The following AAK1 variants were observed in gnomAD, a reference collection of about 807,000 sequenced individuals.
AAK1 encodes the protein AP2-associated protein kinase 1.
A neutral mutation model predicts 116.0 loss-of-function variants in AAK1; 37 were observed. That is an observed-to-expected ratio of 0.32 (90% confidence interval 0.25 to 0.42). The LOEUF (loss-of-function observed/expected upper bound fraction) is 0.42. Ranked by LOEUF, AAK1 falls within the 10% of genes least tolerant of loss-of-function variation. The probability of loss-of-function intolerance (pLI) is 1.00; values close to 1 mark genes in which losing one functional copy is unlikely to be tolerated. For synonymous variants in AAK1, 458 were observed against 439.9 expected, an observed-to-expected ratio of 1.04 and a Z score of -0.51; for missense variants, 919 against 1,170.6, an observed-to-expected ratio of 0.79 and a Z score of 3.14.
In AAK1 at chr2:69,514,630, T is replaced by TTGC. The variant is rs760720018; in HGVS notation, c.1614_1616dup (p.Gln546dup). On this transcript the variant is annotated inframe_insertion, in exon 13 of 22. Transcript: ENST00000409085. ...CCAGCTGTTGCTGTTGCTGTTGTTG[T>TTGC]TGCTGCTGCTGCTGCTGCTGGTAGA... is the stretch of plus-strand genomic sequence containing the variant. 9.2e-5 allele frequency: 105 copies of TTGC among 1,144,768 alleles called. No homozygotes were observed. The highest frequency in any genetic ancestry group is 6.3e-4 in the African/African-American group (40 of 63,282). 70.9% of individuals were successfully genotyped at this position (1,144,768 alleles called of 1,614,324 possible). A position where few individuals can be genotyped will look rare whatever the true frequency, so the allele number is the denominator to read the frequency against.
intron 10 of AAK1, among the ~76,000 whole-genome samples, chr2:69,521,953 CTTTG>C (rs774704576): frequency 6.6e-6 from 1 of 152,234 alleles, no homozygotes; most frequent in Non-Finnish European, 1.5e-5. Flanking sequence ...TACCTCCAGA[CTTTG>C]TTTACTTGAG....
intron 2 of AAK1, among the ~76,000 whole-genome samples, chr2:69,599,843 T>C (rs956408850): frequency 5.3e-5 from 8 of 152,126 alleles, no homozygotes; most frequent in Non-Finnish European, 1.2e-4. Flanking sequence ...AGTGGTATGA[T>C]CACGGCTCAC....
In AAK1 at chr2:69,643,085, ATTT is replaced by A. The variant is rs4067981; in HGVS notation, c.-48_-46del. The A allele has an allele frequency of 2.7e-3, 3,422 of 1,256,286 alleles. No individual in the cohort carries two copies. Among genetic ancestry groups the A allele is most frequent in the Admixed American group, 4.5e-3 (114 of 25,238 alleles). 77.8% of individuals were successfully genotyped at this position (1,256,286 alleles called of 1,614,324 possible). Reference sequence around the variant, plus strand: ...AAAGCAAAATACCGATGGTTTCTAGATTTTTTTTTTTTTTTTTTTTTTTTAAGA... The same window carrying A: ...AAAGCAAAATACCGATGGTTTCTAGATTTTTTTTTTTTTTTTTTTTTAAGA... On this transcript the variant is annotated 5_prime_UTR_variant, in exon 2 of 22. Transcript: ENST00000409085.
At chr2:69,510,383 T>C (rs1305210580) in intron 13 of AAK1, among the ~76,000 whole-genome samples, 1 of 152,192 alleles carries the variant, frequency 6.6e-6, no homozygotes, top group Non-Finnish European at 1.5e-5. Flanking sequence ...CCATCCTCCT[T>C]CTTTTTTATG....
rs111795257 is a variant in AAK1, at chr2:69,469,579, G to A, written c.*6290C>T. The A allele has an allele frequency of 1.4e-4, 134 of 985,424 alleles. No homozygotes were observed. The highest frequency in any genetic ancestry group is 1.5e-4 in the Non-Finnish European group (128 of 829,926). The allele number at this position is 985,424 out of a possible 1,614,324, so 61.0% of individuals were successfully genotyped here. A position where few individuals can be genotyped will look rare whatever the true frequency, so the allele number is the denominator to read the frequency against. On this transcript the variant is annotated 3_prime_UTR_variant, in exon 22 of 22. Transcript: ENST00000409085. ...CAGTTCCTTTGGTAACCAATGGCACGTCATAGCAGATACCCTGTGGCCATA... is the reference window on the plus strand; with the variant it reads ...CAGTTCCTTTGGTAACCAATGGCACATCATAGCAGATACCCTGTGGCCATA...
rs751091450 is a variant in AAK1 at position 69,470,206 on chromosome 2, A to G, written c.*5663T>C. On this transcript the variant is annotated 3_prime_UTR_variant, in exon 22 of 22. Transcript: ENST00000409085. ...GAAAGAACGGTTACAGGGAGTATCA[A>G]AGATATGATTCTTGCCAAAAACAGA... The G allele has an allele frequency of 9.1e-6, 9 of 985,444 alleles. No individual in the cohort carries two copies. Among genetic ancestry groups the G allele is most frequent in the Non-Finnish European group, 1.1e-5 (9 of 829,932 alleles). The allele number at this position is 985,444 out of a possible 1,614,324, so 61.0% of individuals were successfully genotyped here. A position where few individuals can be genotyped will look rare whatever the true frequency, so the allele number is the denominator to read the frequency against.
chr2:69,491,702 C>A (rs1675528830), intron 17 of AAK1, among the ~76,000 whole-genome samples: 1 of 152,132 alleles, frequency 6.6e-6, no homozygotes, highest in African/African-American at 2.4e-5. Flanking sequence ...AACAGCATTT[C>A]CCATCTTTAT....
At chr2:69,484,539 T>C (rs1311663967) in intron 17 of AAK1, among the ~76,000 whole-genome samples, 1 of 152,156 alleles carries the variant, frequency 6.6e-6, no homozygotes, top group Non-Finnish European at 1.5e-5. Context: ...ACGCCTGTAA[T>C]CCCAGCACTT....
chr2:69,640,721 T>C (rs1404318956), intron 2 of AAK1, among the ~76,000 whole-genome samples: 1 of 152,210 alleles, frequency 6.6e-6, no homozygotes, highest in Non-Finnish European at 1.5e-5. Context: ...AGACCCAGTT[T>C]TACGTGACAT....
At chr2:69,590,651 G>T (rs1421546121) in intron 2 of AAK1, among the ~76,000 whole-genome samples, 2 of 152,206 alleles carry the variant, frequency 1.3e-5, no homozygotes, top group Admixed American at 6.5e-5. Flanking sequence ...TTTTAGATTT[G>T]CACAATTTCT....
At chr2:69,477,013 C>A in intron 20 of AAK1, 23 bp from the exon 21 acceptor site, 1 of 1,521,598 alleles carries the variant, frequency 6.6e-7, no homozygotes, top group South Asian at 1.2e-5. Context: ...TGCAAGTACA[C>A]AAGCAGAAAC....
At chr2:69,569,220 CCATTTT>C (rs1201823744) in intron 2 of AAK1, among the ~76,000 whole-genome samples, 1 of 152,126 alleles carries the variant, frequency 6.6e-6, no homozygotes, top group Admixed American at 6.5e-5. Context: ...ATACGTTTCC[CCATTTT>C]ATTATGAAAA....
chr2:69,546,473 C>A (rs868573181), intron 3 of AAK1, among the ~76,000 whole-genome samples: 1 of 152,128 alleles, frequency 6.6e-6, no homozygotes, highest in African/African-American at 2.4e-5. Context: ...GTAGGAAGAA[C>A]TGGAGAGAAG....
intron 2 of AAK1, among the ~76,000 whole-genome samples, chr2:69,637,256 C>G (rs1236936355): frequency 6.6e-6 from 1 of 152,204 alleles, no homozygotes; most frequent in Admixed American, 6.5e-5. Context: ...CCTGACTACT[C>G]CCCAACCCAC....
At chr2:69,559,107 C>T (rs998379164) in intron 2 of AAK1, among the ~76,000 whole-genome samples, 16 of 152,260 alleles carry the variant, frequency 1.1e-4, no homozygotes, top group African/African-American at 3.9e-4. Flanking sequence ...TGCATATTTC[C>T]TGTTACAATG....
At chr2:69,582,658 C>G (rs980212609) in intron 2 of AAK1, among the ~76,000 whole-genome samples, 1 of 152,154 alleles carries the variant, frequency 6.6e-6, no homozygotes, top group Middle Eastern at 3.2e-3. Context: ...GCTGTCTGCT[C>G]AAGCTAAAAG....
intron 3 of AAK1, among the ~76,000 whole-genome samples, chr2:69,556,342 A>G (rs1003177058): frequency 1.3e-5 from 2 of 152,176 alleles, no homozygotes; most frequent in Non-Finnish European, 2.9e-5. Context: ...TAGAGTATAT[A>G]TGAGGTTTCT....
intron 14 of AAK1, among the ~76,000 whole-genome samples, chr2:69,508,501 A>G (rs905795567): frequency 1.3e-5 from 2 of 152,248 alleles, no homozygotes; most frequent in African/African-American, 4.8e-5. Flanking sequence ...ATCAAAATCT[A>G]CTTGTCAGGC....
In AAK1 at chr2:69,514,681, G is replaced by T. The variant is rs201835254; in HGVS notation, c.1566C>A (p.Gly522=). ...AATTCTGCATTAGCTGCTGTTGAGA[G>T]CCTCCTTGGGACACCACAGGGAACT... ...IAQFPVVSQG[G]SQQQLMQNFY... The change falls in exon 13 of 22, where the codon GGC becomes GGA. Residue 522 remains glycine (G), a synonymous_variant. Coordinates refer to ENST00000409085, the MANE Select transcript of AAK1 (RefSeq NM_014911.5). 137 of 1,613,562 alleles carry T rather than the reference G, an allele frequency of 8.5e-5. 1 individual carries two copies. In the East Asian group the frequency reaches 3.0e-3, roughly 36 times the overall value.
Sources: gnomAD v4.1 joint callset for allele counts (sites outside exome capture counted in the v4.1 genomes callset) on GRCh38, gnomAD v4.1.1 for gene constraint, MANE v1.5 for transcripts, NCBI Gene and HGNC (gene_info 2026-07-23, HGNC 2026-07-21) for gene names.